Variants in FAM13A observed in about 807,000 individuals in gnomAD.
FAM13A encodes the protein family with sequence similarity 13 member A.
In FAM13A, 76 loss-of-function variants were observed where a neutral mutation model predicts 129.6. That is an observed-to-expected ratio of 0.59 (90% CI 0.49 to 0.71). FAM13A has a LOEUF of 0.71. FAM13A is among the 30% of genes least tolerant of loss of function. FAM13A has a pLI of 0.00. For missense variants in FAM13A, 1,108 were observed against 1,249.3 expected (o/e 0.89, Z 1.70); for synonymous variants, 443 against 449.9 (o/e 0.98, Z 0.20).
chr4:88,933,015 C>A lies in FAM13A; in HGVS notation c.759+5073G>T, dbSNP rs368159169. Among the ~76,000 whole-genome samples, 53 of 152,142 alleles carry A rather than the reference C, an allele frequency of 3.5e-4. No homozygotes were observed. In the South Asian group the frequency reaches 0.011, roughly 31 times the overall value. On this transcript the variant is annotated intron_variant, in intron 5 of 23. Transcript: ENST00000264344. The stretch of plus-strand genomic sequence containing the variant: ...GTTAAAATGACTATTGATTACTTCC[C>A]ACAATCAAATAAAGCATTAAAGTAC...
chr4:88,945,823 T>C (rs936104102), intron 4 of FAM13A, among the ~76,000 whole-genome samples: 34 of 142,766 alleles, frequency 2.4e-4, no homozygotes, highest in East Asian at 7.9e-4. Context: ...TATATATATA[T>C]ACTACATATT....
chr4:88,995,023 T>C (rs1220178398), intron 3 of FAM13A, among the ~76,000 whole-genome samples: 1 of 152,096 alleles, frequency 6.6e-6, no homozygotes, highest in Non-Finnish European at 1.5e-5. Flanking sequence ...TTTACATACA[T>C]CCAAAATGTA....
At chr4:88,938,034 A>G (rs1455169985) in intron 5 of FAM13A, 54 bp downstream of exon 5, 2 of 1,383,602 alleles carry the variant, frequency 1.4e-6, no homozygotes, top group South Asian at 2.4e-5. Flanking sequence ...AATTAAATAA[A>G]ATCTTCTGTC....
chr4:88,856,181 C>A (rs1336097239), intron 6 of FAM13A, among the ~76,000 whole-genome samples: 1 of 152,072 alleles, frequency 6.6e-6, no homozygotes, highest in Non-Finnish European at 1.5e-5. Context: ...TTTGAAAGTA[C>A]AAAAACTCTA....
chr4:89,037,157 T>C (rs991189514), intron 1 of FAM13A, among the ~76,000 whole-genome samples: 1 of 152,212 alleles, frequency 6.6e-6, no homozygotes, highest in Admixed American at 6.5e-5. Flanking sequence ...GCTTGCATCA[T>C]GTGCCTGGAA....
rs774163076 is a variant in FAM13A at position 88,739,133 on chromosome 4, G to A, written c.2467-8C>T. Reference sequence around the variant, plus strand: ...CCGTTCGTTCTTTGTTACCTGAAAAGCAAGAATGAGAGCTATGAGAAGCCT... The same window carrying A: ...CCGTTCGTTCTTTGTTACCTGAAAAACAAGAATGAGAGCTATGAGAAGCCT... On this transcript the variant is annotated splice_polypyrimidine_tract_variant and splice_region_variant and intron_variant, in intron 19 of 23. Transcript: ENST00000264344. 6.2e-6 allele frequency: 10 copies of A among 1,602,000 alleles called. No homozygotes were observed. The African/African-American group carries it at 1.1e-4, about 17-fold the overall frequency.
intron 5 of FAM13A, among the ~76,000 whole-genome samples, chr4:88,914,679 C>A (rs996304506): frequency 6.6e-6 from 1 of 152,162 alleles, no homozygotes; most frequent in Non-Finnish European, 1.5e-5. Flanking sequence ...CATCTTCAAC[C>A]ACAGTACTTA....
intron 7 of FAM13A, 130 bp downstream of exon 7, chr4:88,850,890 A>T: frequency 1.4e-6 from 1 of 708,660 alleles, no homozygotes; most frequent in Non-Finnish European, 2.3e-6. Flanking sequence ...AGTGAATTTT[A>T]AGTATCTTTA....
chr4:88,976,553 A>G (rs1013841081), intron 4 of FAM13A, among the ~76,000 whole-genome samples: 14 of 152,178 alleles, frequency 9.2e-5, no homozygotes, highest in Admixed American at 1.3e-4. Flanking sequence ...CAAATATATG[A>G]GGGTGGTTCC....
intron 1 of FAM13A, among the ~76,000 whole-genome samples, chr4:89,036,258 G>A (rs535216827): frequency 7.2e-5 from 11 of 152,294 alleles, no homozygotes; most frequent in African/African-American, 2.6e-4. Flanking sequence ...TTGAGAACTG[G>A]AGTAAAGGTT....
intron 1 of FAM13A, among the ~76,000 whole-genome samples, chr4:89,046,034 A>T (rs1185778791): frequency 6.6e-6 from 1 of 151,514 alleles, no homozygotes; most frequent in African/African-American, 2.4e-5. Context: ...CAAAAAAAAA[A>T]AAAAAGAAAA....
chr4:88,834,935 T>C (rs1734562668), intron 7 of FAM13A, among the ~76,000 whole-genome samples: 2 of 152,172 alleles, frequency 1.3e-5, no homozygotes, highest in African/African-American at 4.8e-5. Context: ...GCATTTAAAT[T>C]TGTATTAACC....
chr4:89,013,240 A>G (rs1765960448), intron 3 of FAM13A, among the ~76,000 whole-genome samples: 1 of 151,514 alleles, frequency 6.6e-6, no homozygotes, highest in Non-Finnish European at 1.5e-5. Context: ...ATATGAAAGA[A>G]GGAAGTTTAT....
chr4:88,746,072 T>C (rs971007630), intron 19 of FAM13A, among the ~76,000 whole-genome samples: 1 of 152,190 alleles, frequency 6.6e-6, no homozygotes, highest in African/African-American at 2.4e-5. Context: ...TAAAAGAGCA[T>C]ATTTTAGATG....
At chr4:89,001,087 G>A (rs1764191300) in intron 3 of FAM13A, among the ~76,000 whole-genome samples, 1 of 152,122 alleles carries the variant, frequency 6.6e-6, no homozygotes, top group Non-Finnish European at 1.5e-5. Flanking sequence ...AGCCATATAA[G>A]GAAAATAAAG....
At chr4:88,945,207 A>C (rs2148844445) in intron 4 of FAM13A, among the ~76,000 whole-genome samples, 1 of 152,264 alleles carries the variant, frequency 6.6e-6, no homozygotes, top group African/African-American at 2.4e-5. Flanking sequence ...CTGGATCCTA[A>C]ATTCTTCCAG....
intron 14 of FAM13A, among the ~76,000 whole-genome samples, chr4:88,753,331 T>G (rs774077595): frequency 6.6e-6 from 1 of 152,242 alleles, no homozygotes; most frequent in Non-Finnish European, 1.5e-5. Flanking sequence ...GTTTTCTTCT[T>G]TGTTAACACA....
chr4:88,769,246 T>A (rs1485393940), intron 11 of FAM13A, among the ~76,000 whole-genome samples: 1 of 152,232 alleles, frequency 6.6e-6, no homozygotes, highest in Admixed American at 6.5e-5. Context: ...AACTAATCTT[T>A]GGCTTCATAG....
Position 88,790,040 on chromosome 4 carries a change from C to A in FAM13A, c.1091+546G>T, listed in dbSNP as rs548088002. ...ATGTGATGACATAATTAAGAGAGTA[C>A]CGCCACTGCCCTGTGGACCAGGGAC... is the stretch of plus-strand genomic sequence containing the variant. On this transcript the variant is annotated intron_variant, in intron 9 of 23. Transcript: ENST00000264344. Among the ~76,000 whole-genome samples the A allele has an allele frequency of 7.2e-5, 11 of 152,214 alleles. No individual in the cohort carries two copies. The South Asian group carries it at 1.2e-3, about 17-fold the overall frequency.
Sources: allele counts gnomAD v4.1 joint callset (sites outside exome capture counted in the v4.1 genomes callset), GRCh38; gene constraint gnomAD v4.1.1; transcripts MANE v1.5; gene names NCBI Gene and HGNC (gene_info 2026-07-23, HGNC 2026-07-21).